The following ALPL variants were observed in gnomAD, a reference collection of about 807,000 sequenced individuals.
The protein encoded by ALPL is alkaline phosphatase, biomineralization associated.
Under a neutral mutation model 51.3 loss-of-function variants are expected in ALPL, and 42 were observed. That is an observed-to-expected ratio of 0.82 (90% confidence interval 0.64 to 1.06). The LOEUF is 1.06. Ranked by LOEUF, ALPL falls within the 50% of genes least tolerant of loss-of-function variation. The probability of loss-of-function intolerance (pLI) is 0.00; values close to 1 mark genes in which losing one functional copy is unlikely to be tolerated. For missense variants in ALPL, 589 were observed against 709.4 expected, an observed-to-expected ratio of 0.83 and a Z score of 1.93; for synonymous variants, 279 against 296.4, an observed-to-expected ratio of 0.94 and a Z score of 0.60.
intron 1 of ALPL, among the ~76,000 whole-genome samples, chr1:21,515,425 GTTCC>G (rs1643776273): frequency 6.6e-6 from 1 of 152,156 alleles, no homozygotes; most frequent in Non-Finnish European, 1.5e-5. Context: ...GTATCGCTCT[GTTCC>G]CCAGGCTGGA....
rs1327879287 is a variant in ALPL at position 21,552,142 on chromosome 1, C to T, written c.-104-1836C>T. ...CCTTTCCTCCCTCCCCTCCCCTCCC[C>T]TCCCTCCTTCCTTTTCTCCTTTTCT... On this transcript the variant is annotated intron_variant, in intron 1 of 11. Coordinates refer to ENST00000374840, the MANE Select transcript of ALPL (RefSeq NM_000478.6). 3.4e-5 allele frequency among the ~76,000 whole-genome samples: 4 copies of T among 116,860 alleles called. 1 individual carries two copies. Among genetic ancestry groups the T allele is most frequent in the Non-Finnish European group, 7.2e-5 (4 of 55,184 alleles). 76.7% of individuals were successfully genotyped at this position (116,860 alleles called of 152,430 possible). A position where few individuals can be genotyped will look rare whatever the true frequency, so the allele number is the denominator to read the frequency against.
intron 1 of ALPL, among the ~76,000 whole-genome samples, chr1:21,543,210 G>C (rs114174719): frequency 0.018 from 2,672 of 152,274 alleles, 28 homozygotes; most frequent in Non-Finnish European, 0.025. Context: ...GTCTGGAATA[G>C]GAGAAGTAGG....
chr1:21,551,447 G>T (rs1342635389), intron 1 of ALPL: 1 of 152,028 alleles, frequency 6.6e-6, no homozygotes, highest in Non-Finnish European at 1.5e-5. Flanking sequence ...ATTTTTAAGT[G>T]ATTTTAAATA....
intron 4 of ALPL, among the ~76,000 whole-genome samples, chr1:21,561,887 G>A (rs919974649): frequency 2.0e-5 from 3 of 151,720 alleles, no homozygotes; most frequent in East Asian, 1.9e-4. Flanking sequence ...GGCTGGTCTC[G>A]AACTCCTGAC....
intron 1 of ALPL, among the ~76,000 whole-genome samples, chr1:21,543,230 A>G (rs1644212609): frequency 2.0e-5 from 3 of 152,190 alleles, no homozygotes; most frequent in Admixed American, 2.0e-4. Flanking sequence ...GAATTTATTT[A>G]GGGGGCTGTT....
At chr1:21,550,772 G>C (rs76531125) in intron 1 of ALPL, among the ~76,000 whole-genome samples, 4,751 of 152,112 alleles carry the variant, frequency 0.031, 109 homozygotes, top group Non-Finnish European at 0.047. Context: ...TTCTGTCATC[G>C]GAATCACACT....
intron 1 of ALPL, among the ~76,000 whole-genome samples, chr1:21,540,958 C>A (rs2148111920): frequency 6.6e-6 from 1 of 152,310 alleles, no homozygotes; most frequent in Non-Finnish European, 1.5e-5. Flanking sequence ...AGCCCTTTGA[C>A]TGTAAGAATA....
chr1:21,554,173 A>C, intron 2 of ALPL, 31 bp downstream of exon 2: 8 of 1,609,904 alleles, frequency 5.0e-6, no homozygotes, highest in Non-Finnish European at 6.8e-6. Flanking sequence ...GGAGGCATAA[A>C]AAGGTGGTGC....
intron 1 of ALPL, among the ~76,000 whole-genome samples, chr1:21,526,696 T>C (rs2148076919): frequency 6.6e-6 from 1 of 152,342 alleles, no homozygotes; most frequent in South Asian, 2.1e-4. Flanking sequence ...GACTTACTTT[T>C]TGGCCTGGTA....
chr1:21,527,297 G>T (rs1216503127), intron 1 of ALPL, among the ~76,000 whole-genome samples: 1 of 152,084 alleles, frequency 6.6e-6, no homozygotes, highest in Non-Finnish European at 1.5e-5. Flanking sequence ...CACCCAAAGT[G>T]CTGGGATTAC....
intron 4 of ALPL, among the ~76,000 whole-genome samples, chr1:21,562,729 C>A (rs564523734): frequency 6.6e-6 from 1 of 151,638 alleles, no homozygotes; most frequent in South Asian, 2.1e-4. Flanking sequence ...AGACCCCCCA[C>A]TCCTTCAAGA....
rs541640914 is a variant in ALPL, at chr1:21,578,340, T to C, written c.*692T>C. The C allele has an allele frequency of 6.5e-6, 1 of 152,732 alleles. No individual in the cohort carries two copies. Among genetic ancestry groups the C allele is most frequent in the South Asian group, 2.1e-4 (1 of 4,832 alleles). The allele number at this position is 152,732 out of a possible 1,614,324, so 9.5% of individuals were successfully genotyped here. On this transcript the variant is annotated 3_prime_UTR_variant, in exon 12 of 12. Transcript: ENST00000374840. The surrounding 1 kb of genome is among the most constrained non-coding windows in gnomAD (Gnocchi z 4.2). ...TTGGAACGGCAAAAAAAAATTTTTT[T>C]TTCTCTTTTTGGTGGTGGTTAAAAG...
chr1:21,534,878 G>A (rs980888719), intron 1 of ALPL, among the ~76,000 whole-genome samples: 1 of 152,220 alleles, frequency 6.6e-6, no homozygotes, highest in Non-Finnish European at 1.5e-5. Context: ...ACAGTGAAAT[G>A]ATTTCTTGGT....
intron 1 of ALPL, among the ~76,000 whole-genome samples, chr1:21,531,459 A>C (rs56963437): frequency 0.14 from 21,259 of 152,186 alleles, 1,958 homozygotes; most frequent in East Asian, 0.48. Context: ...GGGTTTCATG[A>C]AAATGTGGGC....
Position 21,554,026 on chromosome 1 carries a change from A to ACCCCCCC in ALPL, c.-53_-52insCCCCCCC. The ACCCCCCC allele has an allele frequency of 1.5e-6, 1 of 667,092 alleles. No individual in the cohort carries two copies. The highest frequency in any genetic ancestry group is 2.7e-6 in the Non-Finnish European group (1 of 372,782). The allele number at this position is 667,092 out of a possible 1,614,324, so 41.3% of individuals were successfully genotyped here. A position where few individuals can be genotyped will look rare whatever the true frequency, so the allele number is the denominator to read the frequency against. On this transcript the variant is annotated 5_prime_UTR_variant, in exon 2 of 12. Transcript: ENST00000374840. Reference sequence around the variant, plus strand: ...GACCACTGCCAGCCCACCCCCTCCCACCCACGTCGATTGCATCTCTGGGCT... The same window carrying ACCCCCCC: ...GACCACTGCCAGCCCACCCCCTCCCACCCCCCCCCCACGTCGATTGCATCTCTGGGCT...
rs1256335 is a variant in ALPL, at chr1:21,563,893, G to A, written c.473-148G>A. On this transcript the variant is annotated intron_variant, in intron 5 of 11. Transcript: ENST00000374840. ...ACTTGGAAGCCACTGCCAGACACCT[G>A]CTGCTGTGGATGGGGAGACTGAGAC... 794,420 of 997,492 alleles carry A rather than the reference G, an allele frequency of 0.8. 317,948 individuals are homozygous for A. Among genetic ancestry groups the A allele is most frequent in the East Asian group, 0.99 (37,732 of 38,210 alleles). 61.8% of individuals were successfully genotyped at this position (997,492 alleles called of 1,614,324 possible). A position where few individuals can be genotyped will look rare whatever the true frequency, so the allele number is the denominator to read the frequency against.
chr1:21,540,031 C>A (rs1237423069), intron 1 of ALPL, among the ~76,000 whole-genome samples: 2 of 152,274 alleles, frequency 1.3e-5, no homozygotes, highest in Middle Eastern at 3.4e-3. Flanking sequence ...GAGGCTCCCC[C>A]TGCAGAGGGC....
In ALPL at chr1:21,544,409, T is replaced by C. The variant is rs578168175; in HGVS notation, c.-104-9569T>C. Among the ~76,000 whole-genome samples the C allele has an allele frequency of 2.0e-5, 3 of 152,312 alleles. No individual in the cohort carries two copies. In the East Asian group the frequency reaches 5.8e-4, roughly 29 times the overall value. On this transcript the variant is annotated intron_variant, in intron 1 of 11. Coordinates refer to ENST00000374840, the MANE Select transcript of ALPL (RefSeq NM_000478.6). Reference sequence around the variant, plus strand: ...AAGGCCCTAAGTTTGGGTCACACTCTCACCTAAGTGAGAACCTGACCAAAA... The same window carrying C: ...AAGGCCCTAAGTTTGGGTCACACTCCCACCTAAGTGAGAACCTGACCAAAA...
At chr1:21,533,156 G>GTTTGGA (rs780081787) in intron 1 of ALPL, among the ~76,000 whole-genome samples, 2 of 152,216 alleles carry the variant, frequency 1.3e-5, no homozygotes, top group African/African-American at 2.4e-5. Flanking sequence ...AGAGCTTGTA[G>GTTTGGA]TTTGGAGTTG....
Sources: gnomAD v4.1 joint callset for allele counts (sites outside exome capture counted in the v4.1 genomes callset) on GRCh38, gnomAD v4.1.1 for gene constraint, Gnocchi (gnomAD v3.1) non-coding constraint, MANE v1.5 for transcripts, NCBI Gene and HGNC (gene_info 2026-07-23, HGNC 2026-07-21) for gene names.